MYH4: variants seen among roughly 807,000 people sequenced by gnomAD.
MYH4 encodes the protein myosin-4.
MYH4 carries 200 observed loss-of-function variants against 229.9 expected under a neutral mutation model. The observed-to-expected ratio is 0.87, with a 90% CI of 0.78 to 0.98. The LOEUF is 0.98. Ranked by LOEUF, MYH4 falls within the 50% of genes least tolerant of loss-of-function variation. MYH4 has a pLI of 0.00. For missense variants in MYH4, 2,148 were observed against 2,332.6 expected, an observed-to-expected ratio of 0.92 and a Z score of 1.63; for synonymous variants, 761 against 834.6, an observed-to-expected ratio of 0.91 and a Z score of 1.52.
At chr17:10,464,822 T>A in intron 5 of MYH4, 114 bp from the exon 6 acceptor site, 2 of 1,011,824 alleles carry the variant, frequency 2.0e-6, no homozygotes, top group Non-Finnish European at 2.9e-6. Flanking sequence ...CAAAAATAAC[T>A]ATATGAATTT....
chr17:10,450,008 GGTT>G (rs2072554866), intron 30 of MYH4, among the ~76,000 whole-genome samples: 1 of 152,056 alleles, frequency 6.6e-6, no homozygotes, highest in African/African-American at 2.4e-5. Flanking sequence ...CATTGATATA[GGTT>G]GTTAGTTGAA....
chr17:10,463,772 TA>T lies in MYH4; in HGVS notation c.649-130del, dbSNP rs2072729442. On this transcript the variant is annotated intron_variant, in intron 7 of 39. Coordinates refer to ENST00000255381, the MANE Select transcript of MYH4 (RefSeq NM_017533.2). ...TTGGGAAAGGCTTTCTAAAATGAGT[TA>T]AAAAGAAGGTAAATCGGGAAGGGGA... 3 of 688,252 alleles carry T rather than the reference TA, an allele frequency of 4.4e-6. No homozygotes were observed. In the East Asian group the frequency reaches 8.6e-5, roughly 20 times the overall value. 42.6% of individuals were successfully genotyped at this position (688,252 alleles called of 1,614,324 possible). A position where few individuals can be genotyped will look rare whatever the true frequency, so the allele number is the denominator to read the frequency against.
chr17:10,453,529 A>G, intron 23 of MYH4, 114 bp downstream of exon 23: 4 of 1,574,450 alleles, frequency 2.5e-6, no homozygotes, highest in Non-Finnish European at 3.5e-6. Flanking sequence ...AAGAGATGAA[A>G]TAGTTATGAC....
intron 5 of MYH4, 69 bp downstream of exon 5, chr17:10,465,373 C>T (rs1356572929): frequency 2.0e-5 from 31 of 1,556,702 alleles, no homozygotes; most frequent in Non-Finnish European, 2.7e-5. Flanking sequence ...AATACTAGCC[C>T]TATGTTTTTT....
chr17:10,445,198 C>T, intron 36 of MYH4, 39 bp downstream of exon 36: 1 of 1,614,188 alleles, frequency 6.2e-7, no homozygotes, highest in South Asian at 1.1e-5. Context: ...TAGCAGGCAG[C>T]ATGCATGTGT....
In MYH4 at chr17:10,466,587, C is replaced by T. The variant is rs1490489730; in HGVS notation, c.159G>A (p.Gln53=). The change falls in exon 3 of 40, where the codon CAG becomes CAA. Residue 53 remains glutamine (Q), a synonymous_variant. Coordinates refer to ENST00000255381, the MANE Select transcript of MYH4 (RefSeq NM_017533.2). Reference sequence around the variant, plus strand: ...CTGTCACCTTCCCCCCTTCCCTGCTCTGCACTATTGCTTTCACGTAGGACT... The same window carrying T: ...CTGTCACCTTCCCCCCTTCCCTGCTTTGCACTATTGCTTTCACGTAGGACT... ...PKESYVKAIV[Q]SREGGKVTAK... 1 of 1,613,974 alleles carries T rather than the reference C, an allele frequency of 6.2e-7. No individual in the cohort carries two copies. Among genetic ancestry groups the T allele is most frequent in the East Asian group, 2.2e-5 (1 of 44,886 alleles).
In MYH4 at chr17:10,453,717, G is replaced by T; in HGVS notation, c.2860C>A (p.Leu954Ile). The T allele has an allele frequency of 1.2e-6, 2 of 1,614,044 alleles. No individual in the cohort carries two copies. The highest frequency in any genetic ancestry group is 1.7e-6 in the Non-Finnish European group (2 of 1,180,004). The change falls in exon 23 of 40, where the codon CTC becomes ATC. Residue 954 changes from leucine (L) to isoleucine (I), a missense_variant. By Grantham distance (5) the Leu-to-Ile change is conservative. Coordinates refer to ENST00000255381, the MANE Select transcript of MYH4 (RefSeq NM_017533.2). ...KRKLEDECSE[L>I]KKDIDDLELT... Reference sequence around the variant, plus strand: ...TCAAGGTCATCAATGTCTTTCTTGAGCTCTGAACATTCATCCTCCAGTTTC... The same window carrying T: ...TCAAGGTCATCAATGTCTTTCTTGATCTCTGAACATTCATCCTCCAGTTTC...
At chr17:10,448,292 A>G in intron 33 of MYH4, 104 bp downstream of exon 33, 6 of 1,380,802 alleles carry the variant, frequency 4.3e-6, no homozygotes, top group Non-Finnish European at 5.8e-6. Context: ...TTTTCACTGA[A>G]TTACTTGTGT....
Position 10,466,627 on chromosome 17 carries a change from A to G in MYH4, c.119T>C (p.Val40Ala). The G allele has an allele frequency of 3.1e-6, 5 of 1,614,118 alleles. No individual in the cohort carries two copies. The highest frequency in any genetic ancestry group is 3.4e-6 in the Non-Finnish European group (4 of 1,180,038). ...KPFDAKTSVF[V>A]VDPKESYVKA... is the part of the protein sequence containing the mutation. The stretch of plus-strand genomic sequence containing the variant: ...CACGTAGGACTCCTTAGGGTCCACC[A>G]CAAAGACTGATGTCTTGGCATCAAA... The change falls in exon 3 of 40, where the codon GTG (valine) becomes GCG (alanine). Residue 40 changes from valine (V) to alanine (A), a missense_variant. Coordinates refer to ENST00000255381, the MANE Select transcript of MYH4 (RefSeq NM_017533.2).
chr17:10,463,838 C>T (rs2072730240), intron 7 of MYH4, among the ~76,000 whole-genome samples, 195 bp from the exon 8 acceptor site: 1 of 152,142 alleles, frequency 6.6e-6, no homozygotes, highest in African/African-American at 2.4e-5. Context: ...TTCTGCATCC[C>T]CCAGGCCCAG....
At position 10,466,395 on chromosome 17, in the gene MYH4, G is replaced by A. The variant is rs1441290618; in HGVS notation, c.226C>T (p.Gln76Ter). ...AGATVTVKEDQVFSMNPPKYD... is the reference protein window; with the variant it reads ...AGATVTVKED Reference sequence around the variant, plus strand: ...TTGGGAGGGTTCATGGAGAAGACTTGGTCTTCTTTCACAGTTACAGTCTGT... The same window carrying A: ...TTGGGAGGGTTCATGGAGAAGACTTAGTCTTCTTTCACAGTTACAGTCTGT... Residue 76 changes from glutamine to a stop codon, truncating the protein, a stop_gained, in exon 4 of 40, where the codon CAA (glutamine) becomes TAA (stop). Coordinates refer to ENST00000255381, the MANE Select transcript of MYH4 (RefSeq NM_017533.2). LOFTEE classifies it high-confidence loss of function. 1 of 1,613,984 alleles carries A rather than the reference G, an allele frequency of 6.2e-7. No homozygotes were observed. The highest frequency in any genetic ancestry group is 1.1e-5 in the South Asian group (1 of 91,064).
At position 10,459,550 on chromosome 17, in the gene MYH4, T is replaced by C. The variant is rs962124497; in HGVS notation, c.1417-129A>G. ...ATTATAAACCTTCAGATTGTTTTCCTATTATATAGTTCTAAACAAAGTAGA... is the reference window on the plus strand; with the variant it reads ...ATTATAAACCTTCAGATTGTTTTCCCATTATATAGTTCTAAACAAAGTAGA... On this transcript the variant is annotated intron_variant, in intron 14 of 39. Transcript: ENST00000255381. 6.1e-6 allele frequency: 9 copies of C among 1,469,734 alleles called. No homozygotes were observed. In the African/African-American group the frequency reaches 1.3e-4, roughly 21 times the overall value. The allele number at this position is 1,469,734 out of a possible 1,614,324, so 91.0% of individuals were successfully genotyped here.
At position 10,464,692 on chromosome 17, in the gene MYH4, TG is replaced by T; in HGVS notation, c.521del (p.Ser174Ter). On this transcript the variant is annotated frameshift_variant, in exon 6 of 40. Coordinates refer to ENST00000255381, the MANE Select transcript of MYH4 (RefSeq NM_017533.2). LOFTEE classifies it high-confidence loss of function. ...QFMLTDRENQ[S>X]ILITGESGAG... Reference sequence around the variant, plus strand: ...CGAAATCTACATACGTAATCAAGATTGACTGGTTTTCACGATCTGTAAAAGA... The same window carrying T: ...CGAAATCTACATACGTAATCAAGATTACTGGTTTTCACGATCTGTAAAAGA... The T allele has an allele frequency of 6.2e-7, 1 of 1,613,856 alleles. No homozygotes were observed. Among genetic ancestry groups the T allele is most frequent in the Non-Finnish European group, 8.5e-7 (1 of 1,179,798 alleles).
At chr17:10,446,641 G>A (rs2072514877) in intron 35 of MYH4, among the ~76,000 whole-genome samples, 1 of 152,174 alleles carries the variant, frequency 6.6e-6, no homozygotes, top group Non-Finnish European at 1.5e-5. Flanking sequence ...GTGCATATGT[G>A]ATACGTAAAT....
chr17:10,467,537 T>G (rs1213284629), intron 2 of MYH4, among the ~76,000 whole-genome samples: 2 of 152,238 alleles, frequency 1.3e-5, no homozygotes, highest in Non-Finnish European at 2.9e-5. Context: ...AAAAGATTCT[T>G]GGAGAAAAGG....
At position 10,462,910 on chromosome 17, in the gene MYH4, A is replaced by T. The variant is rs1018369554; in HGVS notation, c.963T>A (p.Ile321=). The T allele has an allele frequency of 2.4e-5, 38 of 1,613,990 alleles. No homozygotes were observed. The highest frequency in any genetic ancestry group is 3.1e-5 in the Non-Finnish European group (37 of 1,179,976). The change falls in exon 11 of 40, where the codon ATT becomes ATA. Residue 321 remains isoleucine, a synonymous_variant. Transcript: ENST00000255381. ...YDFAFVSQGE[I]TVPSIDDQEE... is the part of the protein sequence containing the mutation. ...CCTGGTCATCAATGCTGGGCACAGTAATTTCCCCTTGGCTGACAAATGCGA... is the reference window on the plus strand; with the variant it reads ...CCTGGTCATCAATGCTGGGCACAGTTATTTCCCCTTGGCTGACAAATGCGA...
At chr17:10,453,558 C>A in intron 23 of MYH4, 85 bp downstream of exon 23, 2 of 1,593,588 alleles carry the variant, frequency 1.3e-6, no homozygotes, top group Non-Finnish European at 1.7e-6. Context: ...TTTTTATATT[C>A]AATCATCTTA....
rs2072676113 is a variant in MYH4, at chr17:10,459,373, G to A, written c.1465C>T (p.Gln489Ter). The stretch of plus-strand genomic sequence containing the variant: ...AACATGTGGTGGTTGAAAAACTGTT[G>A]CAGTTTCTCGTTGGTGAAGTTGATG... ...LCINFTNEKL[Q>*]QFFNHHMFVL... Residue 489 changes from glutamine to a stop codon, truncating the protein, a stop_gained, in exon 15 of 40, where the codon CAA becomes TAA. Coordinates refer to ENST00000255381, the MANE Select transcript of MYH4 (RefSeq NM_017533.2). LOFTEE classifies it high-confidence loss of function. 4 of 1,613,972 alleles carry A rather than the reference G, an allele frequency of 2.5e-6. No homozygotes were observed. The highest frequency in any genetic ancestry group is 2.5e-6 in the Non-Finnish European group (3 of 1,180,020).
intron 30 of MYH4, among the ~76,000 whole-genome samples, chr17:10,449,255 G>A (rs1215635068): frequency 1.3e-5 from 2 of 152,078 alleles, no homozygotes; most frequent in Non-Finnish European, 1.5e-5. Context: ...ACATATTTAC[G>A]AAGCACCTGT....
Sources: allele counts gnomAD v4.1 joint callset (sites outside exome capture counted in the v4.1 genomes callset), GRCh38; gene constraint gnomAD v4.1.1; transcripts MANE v1.5; gene names NCBI Gene and HGNC (gene_info 2026-07-23, HGNC 2026-07-21).